Variants in NPHP1 observed in about 807,000 individuals in gnomAD.
NPHP1 encodes the protein nephrocystin-1.
Under a neutral mutation model 90.4 loss-of-function variants are expected in NPHP1, and 70 were observed. That is an observed-to-expected ratio of 0.77 (90% CI 0.64 to 0.95). The LOEUF (loss-of-function observed/expected upper bound fraction) is 0.95, where lower values mean the gene tolerates loss of function less well. NPHP1 is among the 40% of genes least tolerant of loss of function. NPHP1 has a pLI of 0.00. For synonymous variants in NPHP1, 256 were observed against 271.7 expected (o/e 0.94, Z 0.57); for missense variants, 764 against 795.9 (o/e 0.96, Z 0.48).
intron 2 of NPHP1, among the ~76,000 whole-genome samples, chr2:110,180,928 G>C (rs192672982): frequency 3.2e-4 from 48 of 152,252 alleles, no homozygotes; most frequent in Non-Finnish European, 6.8e-4. Context: ...CAGTGACCCA[G>C]GAATTTTATA....
chr2:110,185,379 C>T lies in NPHP1; in HGVS notation c.144-5695G>A, dbSNP rs138623864. Among the ~76,000 whole-genome samples the T allele has an allele frequency of 3.6e-4, 55 of 152,288 alleles. No homozygotes were observed. In the East Asian group the frequency reaches 0.01, roughly 28 times the overall value. Reference sequence around the variant, plus strand: ...GAGGAACTACCCACGATGGTGATGGCCTGAGGCCTGGGGGTGACCATTAAC... The same window carrying T: ...GAGGAACTACCCACGATGGTGATGGTCTGAGGCCTGGGGGTGACCATTAAC... On this transcript the variant is annotated intron_variant, in intron 2 of 19. Coordinates refer to ENST00000445609, the MANE Select transcript of NPHP1 (RefSeq NM_001128178.3).
At chr2:110,185,086 T>G in intron 2 of NPHP1, 1 of 589,752 alleles carries the variant, frequency 1.7e-6, no homozygotes, top group Middle Eastern at 3.9e-4. Flanking sequence ...TTGAGGGCTC[T>G]ATCCTTGCCT....
At chr2:110,135,146 G>C (rs1680074277) in intron 16 of NPHP1, among the ~76,000 whole-genome samples, 1 of 151,716 alleles carries the variant, frequency 6.6e-6, no homozygotes, top group African/African-American at 2.4e-5. Flanking sequence ...CACTAACAAT[G>C]CACAATTTGA....
intron 11 of NPHP1, 146 bp from the exon 12 acceptor site, chr2:110,150,402 T>TA (rs1384609159): frequency 2.7e-6 from 2 of 745,280 alleles, no homozygotes; most frequent in African/African-American, 3.5e-5. Flanking sequence ...TGTAATTCTG[T>TA]AATGTTTTTC....
chr2:110,166,338 C>G (rs150450280), intron 6 of NPHP1, among the ~76,000 whole-genome samples: 2 of 152,146 alleles, frequency 1.3e-5, no homozygotes, highest in Non-Finnish European at 2.9e-5. Flanking sequence ...ACCTATTCCC[C>G]ACCTCCTTTT....
intron 19 of NPHP1, 119 bp downstream of exon 19, chr2:110,125,518 C>T: frequency 8.4e-7 from 1 of 1,192,296 alleles, no homozygotes; most frequent in South Asian, 1.2e-5. Flanking sequence ...AAACAGTTTC[C>T]CTGGTTAAGA....
intron 2 of NPHP1, among the ~76,000 whole-genome samples, chr2:110,196,145 T>G (rs575885464): frequency 0.01 from 1,541 of 151,894 alleles, 25 homozygotes; most frequent in African/African-American, 0.036. Context: ...AAAGCCAAAA[T>G]TGACAAATGG....
intron 2 of NPHP1, among the ~76,000 whole-genome samples, chr2:110,188,525 T>A (rs541214859): frequency 6.6e-6 from 1 of 152,166 alleles, no homozygotes; most frequent in East Asian, 1.9e-4. Context: ...CACAAAAAAA[T>A]GGAGAAACAT....
chr2:110,203,574 C>T (rs1685716572), intron 1 of NPHP1, among the ~76,000 whole-genome samples: 1 of 151,888 alleles, frequency 6.6e-6, no homozygotes, highest in East Asian at 1.9e-4. Flanking sequence ...AAATATTTAC[C>T]TTCCAAATCC....
chr2:110,148,748 A>G (rs1681251462), intron 12 of NPHP1, among the ~76,000 whole-genome samples: 1 of 152,210 alleles, frequency 6.6e-6, no homozygotes, highest in Admixed American at 6.5e-5. Flanking sequence ...TATATTAACC[A>G]CTGTTCTTCA....
intron 4 of NPHP1, among the ~76,000 whole-genome samples, chr2:110,177,706 T>C (rs540284472): frequency 2.6e-5 from 4 of 152,168 alleles, no homozygotes; most frequent in Non-Finnish European, 5.9e-5. Flanking sequence ...ATTATTAACA[T>C]ACACTCTGGC....
chr2:110,147,709 C>T (rs1176704055), intron 13 of NPHP1, among the ~76,000 whole-genome samples: 1 of 152,104 alleles, frequency 6.6e-6, no homozygotes, highest in Non-Finnish European at 1.5e-5. Flanking sequence ...TTCACTCAAG[C>T]TATAAATGTG....
In NPHP1 at chr2:110,123,845, G is replaced by A. The variant is rs1338151019; in HGVS notation, c.1980C>T (p.Asp660=). 1 of 1,614,100 alleles carries A rather than the reference G, an allele frequency of 6.2e-7. No individual in the cohort carries two copies. The highest frequency in any genetic ancestry group is 8.5e-7 in the Non-Finnish European group (1 of 1,179,986). ...LSPDGVHEPF[D]LSEQTYDFLG... is the part of the protein sequence containing the mutation. ...AGAAGTCATAGGTCTGCTCTGAAAG[G>A]TCAAAAGGTTCATGAACTCCGTCTG... The change falls in exon 20 of 20, where the codon GAC becomes GAT. Residue 660 remains aspartate (D), a synonymous_variant. Coordinates refer to ENST00000445609, the MANE Select transcript of NPHP1 (RefSeq NM_001128178.3).
At chr2:110,162,446 G>C (rs1034655672) in intron 9 of NPHP1, among the ~76,000 whole-genome samples, 1 of 152,054 alleles carries the variant, frequency 6.6e-6, no homozygotes, top group African/African-American at 2.4e-5. Context: ...AACCTTCCCA[G>C]CAAAGGCATC....
chr2:110,155,149 C>T (rs1178241688), intron 11 of NPHP1, among the ~76,000 whole-genome samples: 1 of 152,144 alleles, frequency 6.6e-6, no homozygotes, highest in Non-Finnish European at 1.5e-5. Context: ...CAGGCTGTGG[C>T]TTCAGAGGGT....
rs141763330 is a variant in NPHP1 at position 110,163,106 on chromosome 2, C to T, written c.801G>A (p.Thr267=). ...EQINTVDVLT[T]MGAIPAGFRP... is the part of the protein sequence containing the mutation. Reference sequence around the variant, plus strand: ...TGAACCCTGCAGGAATAGCTCCCATCGTAGTTAACACATCAACAGTGTTTA... The same window carrying T: ...TGAACCCTGCAGGAATAGCTCCCATTGTAGTTAACACATCAACAGTGTTTA... The change falls in exon 9 of 20, where the codon ACG becomes ACA. Residue 267 remains threonine, a synonymous_variant. Transcript: ENST00000445609. The T allele has an allele frequency of 6.5e-4, 1,053 of 1,613,254 alleles. 4 individuals are homozygous for T. The highest frequency in any genetic ancestry group is 8.2e-4 in the Non-Finnish European group (970 of 1,179,300).
chr2:110,158,134 T>C (rs1682042020), intron 11 of NPHP1, among the ~76,000 whole-genome samples: 1 of 152,164 alleles, frequency 6.6e-6, no homozygotes, highest in Non-Finnish European at 1.5e-5. Context: ...GTTACTGATT[T>C]CAAATTTAAT....
At chr2:110,193,348 G>A (rs1258038348) in intron 2 of NPHP1, among the ~76,000 whole-genome samples, 4 of 151,948 alleles carry the variant, frequency 2.6e-5, no homozygotes, top group African/African-American at 9.7e-5. Flanking sequence ...AAAGGCAGGG[G>A]TTGCAATCCT....
intron 17 of NPHP1, 55 bp downstream of exon 17, chr2:110,131,624 T>C: frequency 1.9e-6 from 2 of 1,033,900 alleles, no homozygotes; most frequent in Non-Finnish European, 3.1e-6. Context: ...ATAGGTTACC[T>C]TTACTCAGAG....
Sources: allele counts gnomAD v4.1 joint callset (sites outside exome capture counted in the v4.1 genomes callset), GRCh38; gene constraint gnomAD v4.1.1; transcripts MANE v1.5; gene names NCBI Gene and HGNC (gene_info 2026-07-23, HGNC 2026-07-21).